The following CCDC33 variants were observed in gnomAD, a reference collection of about 807,000 sequenced individuals.
CCDC33 encodes the protein coiled-coil domain containing 33, also known as coiled-coil domain-containing protein 33.
In CCDC33, 94 loss-of-function variants were observed where a neutral mutation model predicts 91.9. The ratio of observed to expected loss-of-function variants is 1.02; its 90% CI spans 0.87 to 1.21. The LOEUF (loss-of-function observed/expected upper bound fraction) is 1.21, where lower values mean the gene tolerates loss of function less well. Among genes scored for constraint, CCDC33 ranks in the 50% most tolerant of loss-of-function variants. CCDC33 has a pLI of 0.00. For synonymous variants in CCDC33, 396 were observed against 374.5 expected, an observed-to-expected ratio of 1.06 and a Z score of -0.66; for missense variants, 940 against 935.5, an observed-to-expected ratio of 1.00 and a Z score of -0.06.
Position 74,290,587 on chromosome 15 carries a change from T to C in CCDC33, c.1096-5167T>C, listed in dbSNP as rs1226365796. ...TCACAGAAAGGCATGGTTTGAGCTC[T>C]GTTCCAAATAGTGGGTTGGAAATTG... is the stretch of plus-strand genomic sequence containing the variant. On this transcript the variant is annotated intron_variant, in intron 10 of 18. Transcript: ENST00000398814. 9.2e-5 allele frequency among the ~76,000 whole-genome samples: 14 copies of C among 152,210 alleles called. 1 individual carries two copies. Among genetic ancestry groups the C allele is most frequent in the Admixed American group, 9.2e-4 (14 of 15,278 alleles).
upstream of CCDC33, among the ~76,000 whole-genome samples, chr15:74,215,552 T>A (rs569183110): frequency 3.2e-4 from 49 of 152,118 alleles, no homozygotes; most frequent in South Asian, 6.2e-4. Flanking sequence ...AATTTTTTTT[T>A]AAAAAGTAAC....
At position 74,262,455 on chromosome 15, in the gene CCDC33, GGAAAA is replaced by G; in HGVS notation, c.205_209del (p.Lys69GlnfsTer31). ...CTCTCCCCAGGAAAAGCACATCTGA[GGAAAA>G]GAACAATCAGAGCTCCAAGGCAGTC... On this transcript the variant is annotated frameshift_variant, in exon 3 of 19. Coordinates refer to ENST00000398814, the MANE Select transcript of CCDC33 (RefSeq NM_025055.5). LOFTEE classifies it high-confidence loss of function. 1 of 1,614,078 alleles carries G rather than the reference GGAAAA, an allele frequency of 6.2e-7. No individual in the cohort carries two copies. Among genetic ancestry groups the G allele is most frequent in the Non-Finnish European group, 8.5e-7 (1 of 1,179,974 alleles).
chr15:74,204,235 C>T (rs1024981978), intron 1 of CCDC33, among the ~76,000 whole-genome samples: 7 of 152,232 alleles, frequency 4.6e-5, no homozygotes, highest in South Asian at 2.1e-4. Context: ...GCCTTCCAGG[C>T]GCGAGTGTGA....
upstream of CCDC33, chr15:74,212,436 G>A (rs1419048549): frequency 1.3e-5 from 2 of 152,270 alleles, no homozygotes; most frequent in Non-Finnish European, 2.9e-5. Context: ...TCAGCTGGAG[G>A]TCAGAGCAAA....
chr15:74,302,667 T>C (rs1310406733), intron 11 of CCDC33: 1 of 152,244 alleles, frequency 6.6e-6, no homozygotes, highest in Non-Finnish European at 1.5e-5. Context: ...AGGTGTTCAG[T>C]GCTTAAACCA....
At chr15:74,261,596 C>T (rs1253046757) in intron 2 of CCDC33, among the ~76,000 whole-genome samples, 1 of 152,178 alleles carries the variant, frequency 6.6e-6, no homozygotes, top group African/African-American at 2.4e-5. Context: ...TTCCTCAGCC[C>T]ATGACTGCTG....
chr15:74,315,536 C>T (rs1596102628), intron 11 of CCDC33, among the ~76,000 whole-genome samples: 1 of 152,186 alleles, frequency 6.6e-6, no homozygotes. Context: ...GAAGTTAGGC[C>T]GATCTATTTA....
rs1567205309 is a variant in CCDC33, at chr15:74,211,157, A to ACG, written n.237-988_237-987insGC. Among the ~76,000 whole-genome samples, 25 of 5,624 alleles carry ACG rather than the reference A, an allele frequency of 4.4e-3. No homozygotes were observed. In the East Asian group the frequency reaches 0.5, roughly 112 times the overall value. 3.7% of individuals were successfully genotyped at this position (5,624 alleles called of 152,430 possible). A position where few individuals can be genotyped will look rare whatever the true frequency, so the allele number is the denominator to read the frequency against. ...CCCACCACTACGCACGCACACGCAC[A>ACG]CACACACACACACACACACACACAC... On this transcript the variant is annotated intron_variant and non_coding_transcript_variant, in intron 2 of 3. Coordinates refer to the CCDC33 transcript ENST00000558645.
chr15:74,275,752 C>T (rs371641774), intron 7 of CCDC33, among the ~76,000 whole-genome samples: 18 of 152,262 alleles, frequency 1.2e-4, no homozygotes, highest in African/African-American at 4.3e-4. Context: ...ACACTGCAAC[C>T]TCTGCCTCCT....
chr15:74,303,819 T>G (rs934017905), intron 11 of CCDC33: 5 of 152,216 alleles, frequency 3.3e-5, no homozygotes, highest in Non-Finnish European at 7.3e-5. Flanking sequence ...GGTCCTACAA[T>G]TAAATACTTA....
exon 2 of CCDC33, chr15:74,209,508 C>T: frequency 7.0e-7 from 1 of 1,433,140 alleles, no homozygotes; most frequent in Non-Finnish European, 9.4e-7. Flanking sequence ...GGGGAGTCAT[C>T]ACAGGGCTTC....
At position 74,331,095 on chromosome 15, in the gene CCDC33, G is replaced by C. The variant is rs375249082; in HGVS notation, c.1660G>C (p.Val554Leu). The C allele has an allele frequency of 1.2e-6, 2 of 1,613,600 alleles. No individual in the cohort carries two copies. The highest frequency in any genetic ancestry group is 1.7e-6 in the Non-Finnish European group (2 of 1,179,690). ...GAAGATGAAGGCGCTGGAGGAGACT[G>C]TGCGGCACCAAGAGAAGGCAGGTGG... is the stretch of plus-strand genomic sequence containing the variant. ...LQKMKALEETVRHQEKVIEKM... is the reference protein window; with the variant it reads ...LQKMKALEETLRHQEKVIEKM... The change falls in exon 14 of 19, where the codon GTG becomes CTG. Residue 554 changes from valine (V) to leucine (L), a missense_variant. Transcript: ENST00000398814.
rs1287890838 is a variant in CCDC33, at chr15:74,335,933, C to T, written c.2148C>T (p.Leu716=). The change falls in exon 19 of 19, where the codon CTC becomes CTT. Residue 716 remains leucine, a synonymous_variant. Transcript: ENST00000398814. ...NSIIIEQPSA[L]THSMDLKQPS... ...CGCTTTGCACACCACAGAGTGCCCT[C>T]ACCCACTCCATGGACCTCAAGCAGC... 3.1e-6 allele frequency: 5 copies of T among 1,613,452 alleles called. No homozygotes were observed. Among genetic ancestry groups the T allele is most frequent in the South Asian group, 1.1e-5 (1 of 91,070 alleles).
intron 5 of CCDC33, among the ~76,000 whole-genome samples, chr15:74,270,505 A>G (rs896850222): frequency 1.3e-5 from 2 of 152,138 alleles, no homozygotes; most frequent in Non-Finnish European, 2.9e-5. Flanking sequence ...TAACAAGAGC[A>G]CTTTTGCCAT....
chr15:74,209,402 A>T, exon 2 of CCDC33: 1 of 1,535,610 alleles, frequency 6.5e-7, no homozygotes, highest in East Asian at 2.4e-5. Context: ...CCACTGCCTG[A>T]TGAATTGCCA....
intron 10 of CCDC33, among the ~76,000 whole-genome samples, chr15:74,292,505 G>A (rs76663968): frequency 0.031 from 4,671 of 152,276 alleles, 150 homozygotes; most frequent in African/African-American, 0.087. Flanking sequence ...CTTGGTGCCC[G>A]TCACCTCACA....
chr15:74,296,955 G>T (rs1293581584), intron 11 of CCDC33, among the ~76,000 whole-genome samples: 1 of 152,168 alleles, frequency 6.6e-6, no homozygotes, highest in Non-Finnish European at 1.5e-5. Flanking sequence ...TTGAGAAAAG[G>T]CCCCAGACAA....
chr15:74,332,645 C>A (rs776335248), intron 15 of CCDC33, 34 bp from the exon 16 acceptor site: 43 of 1,606,304 alleles, frequency 2.7e-5, no homozygotes, highest in Non-Finnish European at 3.2e-5. Context: ...AGCAGGAGAG[C>A]CCATCTCACC....
rs1222079318 is a variant in CCDC33, at chr15:74,280,029, G to A, written c.826G>A (p.Asp276Asn). ...WNQSFLFQGR[D>N]GATSFSEDTA... is the part of the protein sequence containing the mutation. ...TCAGTCCTTCCTCTTCCAAGGCCGA[G>A]ATGGAGCTACCAGCTTCTCAGAAGA... Residue 276 changes from aspartate to asparagine, a missense_variant, in exon 8 of 19, where the codon GAT (aspartate) becomes AAT (asparagine). Transcript: ENST00000398814. The A allele has an allele frequency of 2.5e-6, 4 of 1,614,078 alleles. No homozygotes were observed. Among genetic ancestry groups the A allele is most frequent in the South Asian group, 1.1e-5 (1 of 91,082 alleles).
Sources: allele counts gnomAD v4.1 joint callset (sites outside exome capture counted in the v4.1 genomes callset), GRCh38; gene constraint gnomAD v4.1.1; transcripts MANE v1.5; gene names NCBI Gene and HGNC (gene_info 2026-07-23, HGNC 2026-07-21).